Variants in ADARB2 observed in about 807,000 individuals in gnomAD.
ADARB2 encodes inactive double-stranded RNA-specific editase B2.
Under a neutral mutation model 62.2 loss-of-function variants are expected in ADARB2, and 25 were observed. The ratio of observed to expected loss-of-function variants is 0.40; its 90% CI spans 0.29 to 0.56. The LOEUF (loss-of-function observed/expected upper bound fraction) is 0.56, where lower values mean the gene tolerates loss of function less well. ADARB2 is among the 20% of genes least tolerant of loss of function. The pLI is 0.43. For missense variants in ADARB2, 1,071 were observed against 1,077.4 expected (o/e 0.99, Z 0.08); for synonymous variants, 572 against 500.8 (o/e 1.14, Z -1.90).
chr10:1,325,836 T>C (rs117306422), intron 3 of ADARB2, among the ~76,000 whole-genome samples: 1,892 of 152,264 alleles, frequency 0.012, 26 homozygotes, highest in South Asian at 0.053. Flanking sequence ...CGACTGCCAT[T>C]AGAATATCCG....
At chr10:1,263,606 C>T (rs190063263) in intron 4 of ADARB2, among the ~76,000 whole-genome samples, 26 of 152,326 alleles carry the variant, frequency 1.7e-4, no homozygotes, top group African/African-American at 5.8e-4. Flanking sequence ...AGTGTTTGAA[C>T]AGCTTTGATT....
intron 3 of ADARB2, among the ~76,000 whole-genome samples, chr10:1,302,187 G>A (rs1049204688): frequency 6.6e-6 from 1 of 152,344 alleles, no homozygotes; most frequent in African/African-American, 2.4e-5. Context: ...TGCGCGAGCC[G>A]AAGCAGGGCG....
intron 7 of ADARB2, among the ~76,000 whole-genome samples, chr10:1,215,156 T>G (rs1837217353): frequency 6.6e-6 from 1 of 152,192 alleles, no homozygotes; most frequent in Non-Finnish European, 1.5e-5. Flanking sequence ...TTGGGTTTTG[T>G]GGACGGGCCA....
intron 1 of ADARB2, among the ~76,000 whole-genome samples, chr10:1,564,971 C>T (rs946703727): frequency 7.2e-5 from 11 of 152,194 alleles, no homozygotes; most frequent in African/African-American, 1.9e-4. Context: ...GGCCTGGCCT[C>T]GGCCGTAGAC....
At chr10:1,321,942 T>A (rs1157312389) in intron 3 of ADARB2, among the ~76,000 whole-genome samples, 2 of 146,714 alleles carry the variant, frequency 1.4e-5, no homozygotes, top group African/African-American at 5.1e-5. Flanking sequence ...AGAGAGGCTC[T>A]GGGGGAGGAC....
chr10:1,518,828 A>G lies in ADARB2; in HGVS notation c.101-139668T>C, dbSNP rs566869339. Among the ~76,000 whole-genome samples the G allele has an allele frequency of 6.7e-5, 10 of 148,424 alleles. No individual in the cohort carries two copies. In the East Asian group the frequency reaches 1.8e-3, roughly 27 times the overall value. On this transcript the variant is annotated intron_variant, in intron 1 of 9. Transcript: ENST00000381312. ...GTCTGCATGTGGTGTGGTCATATGCATGCATTCCATGTAACGTCTGCCTGT... is the reference window on the plus strand; with the variant it reads ...GTCTGCATGTGGTGTGGTCATATGCGTGCATTCCATGTAACGTCTGCCTGT...
chr10:1,639,869 AAAACAAAC>A (rs146079232), intron 1 of ADARB2, among the ~76,000 whole-genome samples: 1,564 of 149,060 alleles, frequency 0.01, 16 homozygotes, highest in South Asian at 0.027. Flanking sequence ...AAAGCAAAAC[AAAACAAAC>A]AAACAAACAA....
Position 1,217,153 on chromosome 10 carries a change from A to G in ADARB2, c.1514-34T>C, listed in dbSNP as rs200777134. On this transcript the variant is annotated intron_variant, in intron 6 of 9. Coordinates refer to ENST00000381312, the MANE Select transcript of ADARB2 (RefSeq NM_018702.4). The stretch of plus-strand genomic sequence containing the variant: ...TAAAAGGGCGGGGAGGGGTGAGAAG[A>G]GGGAAGCCGCCTTGGTTTTGGGAGG... 1.4e-3 allele frequency: 2,084 copies of G among 1,521,730 alleles called. 14 individuals carry two copies. The highest frequency in any genetic ancestry group is 0.011 in the South Asian group (895 of 78,566). The allele number at this position is 1,521,730 out of a possible 1,614,324, so 94.3% of individuals were successfully genotyped here.
chr10:1,636,835 CAT>C lies in ADARB2; in HGVS notation c.100+100214_100+100215del, dbSNP rs1420302181. ...GTTATATATGTCATATATTATATAA[CAT>C]ATATCACAAATTATAAAACATATAA... On this transcript the variant is annotated intron_variant, in intron 1 of 9. Transcript: ENST00000381312. 8.1e-5 allele frequency among the ~76,000 whole-genome samples: 12 copies of C among 147,292 alleles called. No homozygotes were observed. In the East Asian group the frequency reaches 1.6e-3, roughly 19 times the overall value.
At position 1,518,850 on chromosome 10, in the gene ADARB2, C is replaced by A. The variant is rs983313284; in HGVS notation, c.101-139690G>T. Reference sequence around the variant, plus strand: ...TGCATGCATTCCATGTAACGTCTGCCTGTGGTGTGGTCATACACATGCATT... The same window carrying A: ...TGCATGCATTCCATGTAACGTCTGCATGTGGTGTGGTCATACACATGCATT... On this transcript the variant is annotated intron_variant, in intron 1 of 9. Transcript: ENST00000381312. Among the ~76,000 whole-genome samples the A allele has an allele frequency of 1.9e-3, 212 of 110,034 alleles. No individual in the cohort carries two copies. The Middle Eastern group carries it at 0.036, about 19-fold the overall frequency. 72.2% of individuals were successfully genotyped at this position (110,034 alleles called of 152,430 possible).
chr10:1,675,286 GCAT>G lies in ADARB2; in HGVS notation c.100+61762_100+61764del, dbSNP rs1351961096. On this transcript the variant is annotated intron_variant, in intron 1 of 9. Coordinates refer to ENST00000381312, the MANE Select transcript of ADARB2 (RefSeq NM_018702.4). ...GTTCTGGAGGTTTGGGTTCAGGGAT[GCAT>G]GGATGTTCTGGAGGTTTGGGTTCGG... 19 of 959,318 alleles carry G rather than the reference GCAT, an allele frequency of 2.0e-5. No individual in the cohort carries two copies. The African/African-American group carries it at 3.5e-4, about 18-fold the overall frequency. 59.4% of individuals were successfully genotyped at this position (959,318 alleles called of 1,614,324 possible). A position where few individuals can be genotyped will look rare whatever the true frequency, so the allele number is the denominator to read the frequency against.
intron 1 of ADARB2, among the ~76,000 whole-genome samples, chr10:1,480,145 AC>A (rs1410707683): frequency 4.6e-5 from 7 of 152,238 alleles, no homozygotes; most frequent in Admixed American, 2.0e-4. Context: ...AGAGAAAGAT[AC>A]TTTACCACTT....
chr10:1,211,488 T>C (rs1326645809), intron 7 of ADARB2, among the ~76,000 whole-genome samples: 1 of 152,228 alleles, frequency 6.6e-6, no homozygotes, highest in Non-Finnish European at 1.5e-5. Flanking sequence ...GGTCCCCACC[T>C]GCCAGAAGCT....
Position 1,556,276 on chromosome 10 carries a change from TA to T in ADARB2, c.101-177117del, listed in dbSNP as rs71379145. ...AACAAAAAGTCTTTTTTTTTTTTTT[TA>T]AATTTCTTTACTGGGGGACAAATCC... On this transcript the variant is annotated intron_variant, in intron 1 of 9. Coordinates refer to ENST00000381312, the MANE Select transcript of ADARB2 (RefSeq NM_018702.4). Among the ~76,000 whole-genome samples, 404 of 128,232 alleles carry T rather than the reference TA, an allele frequency of 3.2e-3. 2 individuals are homozygous for T. The highest frequency in any genetic ancestry group is 0.03 in the South Asian group (118 of 3,974). 84.1% of individuals were successfully genotyped at this position (128,232 alleles called of 152,430 possible).
chr10:1,463,169 G>A (rs80135575), intron 1 of ADARB2, among the ~76,000 whole-genome samples: 2,056 of 152,266 alleles, frequency 0.014, 51 homozygotes, highest in African/African-American at 0.044. Flanking sequence ...GGGCTGCAGC[G>A]GGGGCACAGG....
intron 1 of ADARB2, among the ~76,000 whole-genome samples, chr10:1,380,531 T>A (rs1203515646): frequency 1.3e-5 from 2 of 152,204 alleles, no homozygotes; most frequent in African/African-American, 4.8e-5. Flanking sequence ...CCTTCAGGCG[T>A]CCAGACTCAG....
intron 1 of ADARB2, among the ~76,000 whole-genome samples, chr10:1,407,523 G>A (rs1832717497): frequency 6.6e-6 from 1 of 152,214 alleles, no homozygotes. Context: ...GCTTGGGGAA[G>A]TTGACGGTAG....
At chr10:1,654,496 T>C (rs2119077846) in intron 1 of ADARB2, among the ~76,000 whole-genome samples, 1 of 152,238 alleles carries the variant, frequency 6.6e-6, no homozygotes, top group South Asian at 2.1e-4. Flanking sequence ...GTGCCTCCCC[T>C]GTGCAGCCCC....
Position 1,200,337 on chromosome 10 carries a change from A to T in ADARB2, c.1683-190T>A, listed in dbSNP as rs143932840. ...GGCTCTGGGGACACTGTTGCCTGGG[A>T]CTGGGCTCCACAGGCCCATGTGTGC... is the stretch of plus-strand genomic sequence containing the variant. On this transcript the variant is annotated intron_variant, in intron 7 of 9. Transcript: ENST00000381312. 1.8e-3 allele frequency: 1,325 copies of T among 723,580 alleles called. 15 individuals carry two copies. The African/African-American group carries it at 0.02, about 11-fold the overall frequency. The allele number at this position is 723,580 out of a possible 1,614,324, so 44.8% of individuals were successfully genotyped here.
Sources: allele counts gnomAD v4.1 joint callset (sites outside exome capture counted in the v4.1 genomes callset), GRCh38; gene constraint gnomAD v4.1.1; transcripts MANE v1.5; gene names NCBI Gene and HGNC (gene_info 2026-07-23, HGNC 2026-07-21).